The following TNPO3 variants were observed in gnomAD, a reference collection of about 807,000 sequenced individuals.
The protein encoded by TNPO3 is transportin 3.
A neutral mutation model predicts 122.8 loss-of-function variants in TNPO3; 65 were observed. The observed-to-expected ratio is 0.53, with a 90% CI of 0.43 to 0.65. The LOEUF (loss-of-function observed/expected upper bound fraction) is 0.65, where lower values mean the gene tolerates loss of function less well. TNPO3 is among the 30% of genes least tolerant of loss of function. The pLI, the probability that TNPO3 is intolerant of heterozygous loss-of-function variation, is 0.00. For missense variants in TNPO3, 850 were observed against 1,136.7 expected, an observed-to-expected ratio of 0.75 and a Z score of 3.63; for synonymous variants, 372 against 411.2, an observed-to-expected ratio of 0.90 and a Z score of 1.15.
chr7:128,970,405 A>G (rs1273593063), intron 19 of TNPO3, 90 bp from the exon 20 acceptor site: 5 of 1,320,720 alleles, frequency 3.8e-6, no homozygotes, highest in Non-Finnish European at 5.2e-6. Context: ...ATTTCTCTTT[A>G]ATAGGAAAGT....
chr7:129,039,031 G>A (rs1414339812), intron 1 of TNPO3, among the ~76,000 whole-genome samples: 3 of 151,976 alleles, frequency 2.0e-5, no homozygotes, highest in African/African-American at 4.8e-5. Context: ...AAAGATACAC[G>A]AATGGTCAAA....
In TNPO3 at chr7:129,004,869, C is replaced by T. The variant is rs1311515146; in HGVS notation, c.696+147G>A. 5 of 692,306 alleles carry T rather than the reference C, an allele frequency of 7.2e-6. No homozygotes were observed. The Admixed American group carries it at 1.3e-4, about 18-fold the overall frequency. The allele number at this position is 692,306 out of a possible 1,614,324, so 42.9% of individuals were successfully genotyped here. A position where few individuals can be genotyped will look rare whatever the true frequency, so the allele number is the denominator to read the frequency against. On this transcript the variant is annotated intron_variant, in intron 5 of 22. Transcript: ENST00000265388. ...TAAAACTGATACTTCTAATTTGGTA[C>T]CTCGTAGCAAGGAAGGAACATTGCT...
At chr7:129,050,895 G>C (rs750952034) in intron 1 of TNPO3, among the ~76,000 whole-genome samples, 3 of 152,176 alleles carry the variant, frequency 2.0e-5, no homozygotes, top group Non-Finnish European at 2.9e-5. Context: ...TGGAATCCAA[G>C]AATCAGTGGA....
At chr7:129,011,722 G>A (rs1209541480) in intron 4 of TNPO3, among the ~76,000 whole-genome samples, 1 of 152,158 alleles carries the variant, frequency 6.6e-6, no homozygotes, top group African/African-American at 2.4e-5. Flanking sequence ...TTACTAACTT[G>A]AAAAGGTAAG....
chr7:128,965,360 G>A (rs1263009016), intron 21 of TNPO3, among the ~76,000 whole-genome samples: 1 of 152,170 alleles, frequency 6.6e-6, no homozygotes, highest in Non-Finnish European at 1.5e-5. Context: ...TTAGGGAAAT[G>A]CAAATGAAAA....
At chr7:129,040,528 A>G (rs984696693) in intron 1 of TNPO3, among the ~76,000 whole-genome samples, 3 of 152,188 alleles carry the variant, frequency 2.0e-5, no homozygotes, top group Non-Finnish European at 4.4e-5. Context: ...CGATTACTTA[A>G]AATATACATA....
chr7:129,038,131 C>A (rs975026454), intron 1 of TNPO3, among the ~76,000 whole-genome samples: 6 of 151,998 alleles, frequency 3.9e-5, no homozygotes, highest in Non-Finnish European at 8.8e-5. Flanking sequence ...AAAAAGGACA[C>A]ATTAAATACA....
intron 1 of TNPO3, among the ~76,000 whole-genome samples, chr7:129,047,675 T>C (rs1028519757): frequency 2.0e-5 from 3 of 152,218 alleles, no homozygotes; most frequent in African/African-American, 7.2e-5. Context: ...CTATACTCAA[T>C]TACTCTCGGA....
intron 1 of TNPO3, among the ~76,000 whole-genome samples, chr7:129,038,772 G>A (rs979796685): frequency 6.6e-6 from 1 of 152,182 alleles, no homozygotes; most frequent in Admixed American, 6.5e-5. Context: ...ATAAGTGGGA[G>A]TTAAATGATG....
chr7:129,041,638 G>A (rs1807390878), intron 1 of TNPO3: 2 of 985,336 alleles, frequency 2.0e-6, no homozygotes, highest in African/African-American at 3.5e-5. Flanking sequence ...ATTTCTGAAA[G>A]GACCATCTCA....
At chr7:128,964,239 C>T (rs1173646737) in intron 21 of TNPO3, among the ~76,000 whole-genome samples, 1 of 151,790 alleles carries the variant, frequency 6.6e-6, no homozygotes, top group Non-Finnish European at 1.5e-5. Flanking sequence ...AGATTCAATA[C>T]AATCCCCATC....
chr7:128,981,936 C>T (rs2150324460), intron 14 of TNPO3, among the ~76,000 whole-genome samples: 1 of 152,216 alleles, frequency 6.6e-6, no homozygotes, highest in East Asian at 1.9e-4. Context: ...TGCCACGTTG[C>T]CCAGGCTGGT....
At chr7:129,014,904 A>C in intron 4 of TNPO3, 75 bp downstream of exon 4, 1 of 1,430,256 alleles carries the variant, frequency 7.0e-7, no homozygotes, top group South Asian at 1.4e-5. Context: ...ATTTCACAAT[A>C]ATGCAATTGA....
rs558824190 is a variant in TNPO3, at chr7:129,014,968, A to G, written c.552+11T>C. ...CTTTATGCAGCAACTTAGTATTTCA[A>G]ACTTACTCACCAATAGAGATACTAC... On this transcript the variant is annotated intron_variant, in intron 4 of 22. Coordinates refer to ENST00000265388, the MANE Select transcript of TNPO3 (RefSeq NM_012470.4). 9.6e-6 allele frequency: 15 copies of G among 1,557,000 alleles called. No individual in the cohort carries two copies. The African/African-American group carries it at 2.1e-4, about 22-fold the overall frequency.
At chr7:129,032,219 CA>C (rs1241311314) in intron 1 of TNPO3, among the ~76,000 whole-genome samples, 1 of 152,112 alleles carries the variant, frequency 6.6e-6, no homozygotes, top group African/African-American at 2.4e-5. Context: ...TAATAAATGC[CA>C]TATATGCAAA....
In TNPO3 at chr7:129,019,354, A is replaced by G. The variant is rs1050017579; in HGVS notation, c.121-1197T>C. Among the ~76,000 whole-genome samples the G allele has an allele frequency of 1.2e-4, 18 of 152,228 alleles. 1 individual carries two copies. The highest frequency in any genetic ancestry group is 6.5e-5 in the Admixed American group (1 of 15,276). On this transcript the variant is annotated intron_variant, in intron 1 of 22. Transcript: ENST00000265388. ...CAATTTAGGAATAGTGTCTATTGTA[A>G]AGAGAAGGGGTCAATTTCTTATGAA...
At chr7:129,035,244 G>A (rs528685011) in intron 1 of TNPO3, among the ~76,000 whole-genome samples, 11 of 150,914 alleles carry the variant, frequency 7.3e-5, no homozygotes, top group Admixed American at 2.6e-4. Context: ...ACTGCAGTCC[G>A]GCCTGGGCGA....
intron 18 of TNPO3, among the ~76,000 whole-genome samples, chr7:128,973,807 A>G (rs1221184641): frequency 4.1e-5 from 5 of 122,558 alleles, no homozygotes; most frequent in Admixed American, 3.6e-4. Context: ...ATCAACTGAA[A>G]AAAAAAAAAA....
At chr7:128,988,451 C>T (rs1192030071) in intron 11 of TNPO3, among the ~76,000 whole-genome samples, 2 of 152,138 alleles carry the variant, frequency 1.3e-5, no homozygotes, top group South Asian at 4.1e-4. Flanking sequence ...GAACCTAGCC[C>T]AAGCAACTCT....
Sources: allele counts gnomAD v4.1 joint callset (sites outside exome capture counted in the v4.1 genomes callset), GRCh38; gene constraint gnomAD v4.1.1; transcripts MANE v1.5; gene names NCBI Gene and HGNC (gene_info 2026-07-23, HGNC 2026-07-21).